The following GULP1 variants were observed in gnomAD, a reference collection of about 807,000 sequenced individuals.
GULP1 encodes the protein GULP PTB domain containing engulfment adaptor 1.
Under a neutral mutation model 40.9 loss-of-function variants are expected in GULP1, and 19 were observed. The ratio of observed to expected loss-of-function variants is 0.46; its 90% CI spans 0.32 to 0.68. GULP1 has a LOEUF of 0.68. Ranked by LOEUF, GULP1 falls within the 30% of genes least tolerant of loss-of-function variation. The pLI is 0.03. For missense variants in GULP1, 312 were observed against 362.2 expected (o/e 0.86, Z 1.12); for synonymous variants, 119 against 117.6 (o/e 1.01, Z -0.08).
chr2:188,584,393 T>C lies in GULP1; in HGVS notation c.738T>C (p.Ser246=). The C allele has an allele frequency of 6.3e-7, 1 of 1,580,230 alleles. No homozygotes were observed. The highest frequency in any genetic ancestry group is 8.6e-7 in the Non-Finnish European group (1 of 1,157,462). The change falls in exon 10 of 12, where the codon TCT becomes TCC. Residue 246 remains serine, a synonymous_variant. Coordinates refer to ENST00000409830, the MANE Select transcript of GULP1 (RefSeq NM_016315.4). The part of the protein sequence containing the change: ...GTQPPPVPSR[S]TEIKRDLFGA... ...AGCCACCTCCAGTACCTAGTAGATC[T>C]ACTGAGATTAGTAAGCTTTCTCAAC... is the stretch of plus-strand genomic sequence containing the variant.
chr2:188,583,826 A>G (rs1701812348), intron 9 of GULP1, among the ~76,000 whole-genome samples: 1 of 152,240 alleles, frequency 6.6e-6, no homozygotes, highest in African/African-American at 2.4e-5. Context: ...TTTATATTTA[A>G]GAAGGCAGGT....
chr2:188,449,979 T>C (rs938724096), intron 2 of GULP1, among the ~76,000 whole-genome samples: 1 of 152,234 alleles, frequency 6.6e-6, no homozygotes, highest in Non-Finnish European at 1.5e-5. Flanking sequence ...GTAGTACACA[T>C]TTAGATTTCA....
chr2:188,459,170 C>A (rs113244073), intron 2 of GULP1, among the ~76,000 whole-genome samples: 3 of 152,286 alleles, frequency 2.0e-5, no homozygotes, highest in African/African-American at 7.2e-5. Flanking sequence ...GTGCAGTTAT[C>A]GCTTTGACAT....
chr2:188,573,782 C>A (rs1359002907), intron 9 of GULP1, among the ~76,000 whole-genome samples: 1 of 152,122 alleles, frequency 6.6e-6, no homozygotes, highest in Non-Finnish European at 1.5e-5. Flanking sequence ...TTATGAATCC[C>A]GTGATGCATA....
At chr2:188,504,402 A>G (rs977106819) in intron 4 of GULP1, among the ~76,000 whole-genome samples, 3 of 151,898 alleles carry the variant, frequency 2.0e-5, no homozygotes, top group Non-Finnish European at 2.9e-5. Context: ...ATACCCCTAC[A>G]ATGCATTTCA....
chr2:188,408,660 C>T (rs571212702), intron 2 of GULP1, among the ~76,000 whole-genome samples: 2 of 152,216 alleles, frequency 1.3e-5, no homozygotes, highest in South Asian at 4.1e-4. Flanking sequence ...TCTGTTTAGA[C>T]CAAGCGGACC....
At chr2:188,496,110 T>C (rs1416491580) in intron 4 of GULP1, among the ~76,000 whole-genome samples, 1 of 152,032 alleles carries the variant, frequency 6.6e-6, no homozygotes, top group African/African-American at 2.4e-5. Context: ...GGCTAATTGC[T>C]TCCTAGGAGA....
intron 7 of GULP1, among the ~76,000 whole-genome samples, chr2:188,550,178 T>A (rs1259325875): frequency 6.6e-6 from 1 of 151,756 alleles, no homozygotes; most frequent in Non-Finnish European, 1.5e-5. Flanking sequence ...TTACTTTAAA[T>A]ATCTGAAAAA....
intron 9 of GULP1, among the ~76,000 whole-genome samples, chr2:188,572,778 A>G (rs1408315189): frequency 6.6e-6 from 1 of 152,176 alleles, no homozygotes; most frequent in African/African-American, 2.4e-5. Flanking sequence ...ATATCACGTG[A>G]TGTCACTCAT....
chr2:188,558,350 C>T (rs945072834), intron 7 of GULP1, among the ~76,000 whole-genome samples: 2 of 152,174 alleles, frequency 1.3e-5, no homozygotes, highest in African/African-American at 4.8e-5. Flanking sequence ...TCCGCTTTTG[C>T]ATCTTTCTCA....
chr2:188,473,444 G>A (rs2060758074), intron 2 of GULP1, among the ~76,000 whole-genome samples: 2 of 152,202 alleles, frequency 1.3e-5, no homozygotes, highest in African/African-American at 4.8e-5. Flanking sequence ...CCACTTAGAA[G>A]TCTTTCTGGT....
intron 4 of GULP1, among the ~76,000 whole-genome samples, chr2:188,506,244 A>G (rs1314719952): frequency 2.6e-5 from 4 of 151,860 alleles, no homozygotes; most frequent in African/African-American, 4.8e-5. Context: ...TAAATTTAAG[A>G]TTTTCACTAA....
intron 1 of GULP1, among the ~76,000 whole-genome samples, chr2:188,333,181 G>A (rs948085653): frequency 6.6e-6 from 1 of 151,894 alleles, no homozygotes; most frequent in Non-Finnish European, 1.5e-5. Context: ...GGAGACTGAG[G>A]CTTACAGTGA....
At position 188,483,368 on chromosome 2, in the gene GULP1, G is replaced by A. The variant is rs895679553; in HGVS notation, c.29-63G>A. On this transcript the variant is annotated intron_variant, in intron 3 of 11. Transcript: ENST00000409830. Reference sequence around the variant, plus strand: ...CTGTGTCCTAAATTACCATACAAATGGTAATGCGTGAATATGACACCATGG... The same window carrying A: ...CTGTGTCCTAAATTACCATACAAATAGTAATGCGTGAATATGACACCATGG... The A allele has an allele frequency of 3.5e-4, 253 of 729,678 alleles. 1 individual carries two copies. The African/African-American group carries it at 4.2e-3, about 12-fold the overall frequency. 45.2% of individuals were successfully genotyped at this position (729,678 alleles called of 1,614,324 possible).
Position 188,292,724 on chromosome 2 carries a change from T to C in GULP1, c.-172+558T>C. The C allele has an allele frequency of 6.6e-6, 1 of 152,530 alleles. No individual in the cohort carries two copies. Among genetic ancestry groups the C allele is most frequent in the East Asian group, 1.9e-4 (1 of 5,154 alleles). The allele number at this position is 152,530 out of a possible 1,614,324, so 9.4% of individuals were successfully genotyped here. ...GCATGGGGGTGGGGAGGCGCGAAGC[T>C]CCGAGGCCGGGCCGCGGATACTTTA... On this transcript the variant is annotated intron_variant, in intron 1 of 11. Coordinates refer to ENST00000409830, the MANE Select transcript of GULP1 (RefSeq NM_016315.4). This position sits in a 1 kb window ranked among gnomAD's most constrained non-coding sequence, Gnocchi z 4.0.
intron 1 of GULP1, among the ~76,000 whole-genome samples, chr2:188,351,731 C>T (rs142954444): frequency 2.4e-4 from 37 of 152,194 alleles, no homozygotes; most frequent in African/African-American, 7.7e-4. Flanking sequence ...TTTGAACATC[C>T]AAATGTAATC....
chr2:188,513,657 C>T (rs968891018), intron 4 of GULP1, among the ~76,000 whole-genome samples: 23 of 151,900 alleles, frequency 1.5e-4, no homozygotes, highest in East Asian at 1.9e-4. Flanking sequence ...TTAAAATTAA[C>T]GTATTTATTC....
At chr2:188,393,881 G>C (rs970029265) in intron 2 of GULP1, among the ~76,000 whole-genome samples, 4 of 152,130 alleles carry the variant, frequency 2.6e-5, no homozygotes, top group Non-Finnish European at 5.9e-5. Flanking sequence ...GGTTTTTGCT[G>C]AGAAGTCTGC....
At chr2:188,587,698 G>A (rs905003109) in intron 10 of GULP1, among the ~76,000 whole-genome samples, 157 bp from the exon 11 acceptor site, 5 of 152,030 alleles carry the variant, frequency 3.3e-5, no homozygotes, top group African/African-American at 1.2e-4. Flanking sequence ...ATGTTTAACT[G>A]GTCTAAGGTC....
Sources: allele counts gnomAD v4.1 joint callset (sites outside exome capture counted in the v4.1 genomes callset), GRCh38; gene constraint gnomAD v4.1.1; non-coding constraint Gnocchi (gnomAD v3.1); transcripts MANE v1.5; gene names NCBI Gene and HGNC (gene_info 2026-07-23, HGNC 2026-07-21).